Variants in CDH4 observed in about 807,000 individuals in gnomAD.
CDH4 encodes the protein cadherin 4.
In CDH4, 33 loss-of-function variants were observed where a neutral mutation model predicts 86.0. The observed-to-expected ratio is 0.38, with a 90% confidence interval of 0.29 to 0.51. The LOEUF is 0.51. Among genes scored for constraint, CDH4 ranks in the 20% least tolerant of loss-of-function variants. CDH4 has a pLI of 0.86. For synonymous variants in CDH4, 555 were observed against 549.4 expected (o/e 1.01, Z -0.14); for missense variants, 1,114 against 1,307.4 (o/e 0.85, Z 2.28).
intron 2 of CDH4, among the ~76,000 whole-genome samples, chr20:61,653,844 G>T (rs1453400102): frequency 1.5e-5 from 2 of 131,986 alleles, no homozygotes; most frequent in African/African-American, 2.7e-5. Context: ...GGGCAGAGAC[G>T]CTCCTCACTT....
intron 11 of CDH4, among the ~76,000 whole-genome samples, chr20:61,925,752 G>A (rs1331804437): frequency 6.6e-6 from 1 of 152,216 alleles, no homozygotes; most frequent in Non-Finnish European, 1.5e-5. Flanking sequence ...GGAGATCCGA[G>A]ACCTGGGGCA....
At chr20:61,608,616 G>A (rs534889464) in intron 2 of CDH4, among the ~76,000 whole-genome samples, 5 of 152,238 alleles carry the variant, frequency 3.3e-5, no homozygotes, top group Non-Finnish European at 7.3e-5. Context: ...AGCCAAGAAC[G>A]TGGTCCACCA....
chr20:61,353,302 C>T (rs2084724129), intron 2 of CDH4, among the ~76,000 whole-genome samples: 2 of 152,042 alleles, frequency 1.3e-5, no homozygotes, highest in Middle Eastern at 3.4e-3. Context: ...AACCATGGGG[C>T]AGCCGCGTGT....
intron 2 of CDH4, among the ~76,000 whole-genome samples, chr20:61,319,367 A>C (rs1319318215): frequency 6.6e-6 from 1 of 152,124 alleles, no homozygotes; most frequent in Non-Finnish European, 1.5e-5. Context: ...GTTATGCTCC[A>C]CCGGGAAGCA....
intron 2 of CDH4, among the ~76,000 whole-genome samples, chr20:61,652,930 A>ATTTTTTTTTT (rs1200927520): frequency 6.5e-5 from 7 of 108,098 alleles, no homozygotes; most frequent in African/African-American, 1.2e-4. Flanking sequence ...TTATTTATTT[A>ATTTTTTTTTT]TTTATTTATT....
intron 2 of CDH4, chr20:61,570,839 C>T (rs1363750301): frequency 2.9e-6 from 2 of 699,488 alleles, no homozygotes; most frequent in African/African-American, 1.7e-5. Context: ...TTTTCTTCCC[C>T]TTCCAAGTGT....
chr20:61,486,116 A>G (rs2145583799), intron 2 of CDH4, among the ~76,000 whole-genome samples: 1 of 152,372 alleles, frequency 6.6e-6, no homozygotes, highest in South Asian at 2.1e-4. Flanking sequence ...AGCCCAAAAA[A>G]TTCATAAAAC....
At position 61,613,570 on chromosome 20, in the gene CDH4, C is replaced by A. The variant is rs868664745; in HGVS notation, c.170-129993C>A. ...AGAATCTAGGATGTGGTTCCAAAAA[C>A]AAAATCTGGAAAAAAGGCTTCAAAA... is the stretch of plus-strand genomic sequence containing the variant. On this transcript the variant is annotated intron_variant, in intron 2 of 15. Transcript: ENST00000614565. Among the ~76,000 whole-genome samples, 258 of 114,544 alleles carry A rather than the reference C, an allele frequency of 2.3e-3. 2 individuals carry two copies. Among genetic ancestry groups the A allele is most frequent in the African/African-American group, 7.4e-3 (219 of 29,434 alleles). The allele number at this position is 114,544 out of a possible 152,430, so 75.1% of individuals were successfully genotyped here.
At chr20:61,448,158 C>G (rs533143082) in intron 2 of CDH4, among the ~76,000 whole-genome samples, 1 of 152,212 alleles carries the variant, frequency 6.6e-6, no homozygotes. Flanking sequence ...CTTTAGACTC[C>G]ATGCTGGCTG....
chr20:61,294,318 G>A (rs999654056), intron 2 of CDH4, among the ~76,000 whole-genome samples: 2 of 152,178 alleles, frequency 1.3e-5, no homozygotes, highest in African/African-American at 2.4e-5. Context: ...GGTGGGTCTG[G>A]GGCAACGGGG....
intron 4 of CDH4, among the ~76,000 whole-genome samples, chr20:61,834,721 C>T (rs575755449): frequency 1.7e-5 from 2 of 118,808 alleles, no homozygotes; most frequent in South Asian, 2.5e-4. Context: ...TGCCTATCCC[C>T]GCAGCCTCAC....
At chr20:61,419,368 G>A (rs2085164931) in intron 2 of CDH4, among the ~76,000 whole-genome samples, 1 of 152,204 alleles carries the variant, frequency 6.6e-6, no homozygotes, top group Admixed American at 6.5e-5. Context: ...TTCTGCCACT[G>A]CTAATCCTTA....
intron 2 of CDH4, among the ~76,000 whole-genome samples, chr20:61,405,174 C>T (rs1600946675): frequency 6.6e-6 from 1 of 152,104 alleles, no homozygotes; most frequent in East Asian, 1.9e-4. Flanking sequence ...CCCCTCCTTT[C>T]GACCCTGCCT....
chr20:61,472,131 GTCTC>G (rs886450014), intron 2 of CDH4, among the ~76,000 whole-genome samples: 1 of 151,888 alleles, frequency 6.6e-6, no homozygotes, highest in African/African-American at 2.4e-5. Context: ...TTGTATTGAG[GTCTC>G]TCTCTCTCTT....
chr20:61,750,356 CA>C (rs1181302595), intron 3 of CDH4, among the ~76,000 whole-genome samples: 2 of 151,930 alleles, frequency 1.3e-5, no homozygotes, highest in Middle Eastern at 3.2e-3. Context: ...CAATTTATAC[CA>C]ATACACTTAA....
chr20:61,642,094 C>T (rs2087016734), intron 2 of CDH4, among the ~76,000 whole-genome samples: 1 of 152,152 alleles, frequency 6.6e-6, no homozygotes, highest in African/African-American at 2.4e-5. Context: ...ACCACAGCAC[C>T]CAGGACCACG....
At chr20:61,489,562 C>A (rs2085614542) in intron 2 of CDH4, among the ~76,000 whole-genome samples, 1 of 152,208 alleles carries the variant, frequency 6.6e-6, no homozygotes, top group Non-Finnish European at 1.5e-5. Context: ...CTCCTCCTTC[C>A]CCAGGGGGCT....
At chr20:61,336,364 A>G (rs939877556) in intron 2 of CDH4, among the ~76,000 whole-genome samples, 2 of 152,174 alleles carry the variant, frequency 1.3e-5, no homozygotes, top group African/African-American at 4.8e-5. Flanking sequence ...GACCATCAAC[A>G]TTATCATTAA....
chr20:61,906,366 C>T (rs2054788286), intron 8 of CDH4, among the ~76,000 whole-genome samples: 1 of 152,228 alleles, frequency 6.6e-6, no homozygotes. Flanking sequence ...CAACACCACA[C>T]TAGACCAAGC....
Sources: gnomAD v4.1 joint callset for allele counts (sites outside exome capture counted in the v4.1 genomes callset) on GRCh38, gnomAD v4.1.1 for gene constraint, MANE v1.5 for transcripts, NCBI Gene and HGNC (gene_info 2026-07-23, HGNC 2026-07-21) for gene names.